Variants in TPO observed in about 807,000 individuals in gnomAD.
TPO encodes thyroid peroxidase.
TPO carries 78 observed loss-of-function variants against 96.9 expected under a neutral mutation model. The observed-to-expected ratio is 0.81, with a 90% CI of 0.67 to 0.97. TPO has a LOEUF of 0.97. Ranked by LOEUF, TPO falls within the 50% of genes least tolerant of loss-of-function variation. The pLI is 0.00. For missense variants in TPO, 1,252 were observed against 1,274.8 expected (o/e 0.98, Z 0.27); for synonymous variants, 547 against 538.0 (o/e 1.02, Z -0.23).
At chr2:1,516,420 G>A (rs1674713391) in intron 14 of TPO, among the ~76,000 whole-genome samples, 1 of 152,264 alleles carries the variant, frequency 6.6e-6, no homozygotes, top group African/African-American at 2.4e-5. Flanking sequence ...GAGGCTTCTG[G>A]GAAAGATAAA....
At chr2:1,444,486 T>C (rs1214854688) in intron 5 of TPO, among the ~76,000 whole-genome samples, 12 of 78,854 alleles carry the variant, frequency 1.5e-4, no homozygotes, top group African/African-American at 4.2e-4. Context: ...CAGGAGGTAC[T>C]GTGTTGGAAG....
intron 13 of TPO, among the ~76,000 whole-genome samples, chr2:1,500,567 A>C (rs1672773128): frequency 6.6e-6 from 1 of 152,214 alleles, no homozygotes; most frequent in Admixed American, 6.5e-5. Flanking sequence ...TACAGAAAGG[A>C]AGGCTACGGG....
chr2:1,526,000 CCCCACTGTGTGCAACCTCCCCAAATCCG>C (rs1676384849), intron 15 of TPO, among the ~76,000 whole-genome samples: 28 of 137,572 alleles, frequency 2.0e-4, no homozygotes, highest in East Asian at 1.2e-3. Context: ...TCCCCAAATC[CCCCACTGTGTGCAACCTCCCCAAATCCG>C]CCCACTGTGT....
intron 5 of TPO, among the ~76,000 whole-genome samples, chr2:1,440,593 ACTT>A (rs1666069582): frequency 2.0e-5 from 3 of 151,856 alleles, no homozygotes; most frequent in African/African-American, 7.3e-5. Flanking sequence ...CCACACCTGT[ACTT>A]CTTGTTTGTA....
At chr2:1,524,429 CCCCCCCAAATCCCCCCACTGTGTGCAA>C (rs1385821680) in intron 15 of TPO, among the ~76,000 whole-genome samples, 1 of 115,862 alleles carries the variant, frequency 8.6e-6, no homozygotes, top group Admixed American at 9.2e-5. Flanking sequence ...TTGTGTGCAA[CCCCCCCAAATCCCCCCACTGTGTGCAA>C]CCCCCCAAAT....
At chr2:1,531,442 C>T (rs1678219844) in intron 15 of TPO, among the ~76,000 whole-genome samples, 2 of 61,960 alleles carry the variant, frequency 3.2e-5, no homozygotes, top group Non-Finnish European at 5.2e-5. Flanking sequence ...TGTGAGCAAC[C>T]TCCCCAAATC....
intron 15 of TPO, among the ~76,000 whole-genome samples, chr2:1,521,024 G>C (rs1675200249): frequency 6.6e-6 from 1 of 152,078 alleles, no homozygotes; most frequent in African/African-American, 2.4e-5. Flanking sequence ...CCATCACTTA[G>C]TTCTGCAATT....
chr2:1,483,049 A>T (rs1276260896), intron 8 of TPO, among the ~76,000 whole-genome samples: 1 of 152,186 alleles, frequency 6.6e-6, no homozygotes, highest in African/African-American at 2.4e-5. Context: ...GACGGCTCCC[A>T]GGGGAGGCTG....
chr2:1,393,535 T>C (rs1662036309), intron 1 of TPO, among the ~76,000 whole-genome samples: 2 of 152,234 alleles, frequency 1.3e-5, no homozygotes, highest in Admixed American at 1.3e-4. Context: ...GGACACCCTG[T>C]GAACCTGCTG....
chr2:1,492,193 C>CA (rs1438165225), intron 10 of TPO, among the ~76,000 whole-genome samples: 1 of 152,106 alleles, frequency 6.6e-6, no homozygotes, highest in Non-Finnish European at 1.5e-5. Flanking sequence ...TCACTCTTGT[C>CA]ACCCAGGCTG....
Position 1,485,150 on chromosome 2 carries a change from C to T in TPO, c.1597+296C>T, listed in dbSNP as rs559422811. Among the ~76,000 whole-genome samples, 20 of 151,292 alleles carry T rather than the reference C, an allele frequency of 1.3e-4. 1 individual carries two copies. The highest frequency in any genetic ancestry group is 4.2e-4 in the South Asian group (2 of 4,782). On this transcript the variant is annotated intron_variant, in intron 9 of 16. Coordinates refer to ENST00000329066, the MANE Select transcript of TPO (RefSeq NM_001206744.2). ...ATTCCCACCTATGAGTGAGAACATG[C>T]GGTGTTTGGTTTTCTGTCCTTGCGA...
chr2:1,448,364 C>T (rs1366225007), intron 5 of TPO, among the ~76,000 whole-genome samples: 1 of 152,218 alleles, frequency 6.6e-6, no homozygotes, highest in Non-Finnish European at 1.5e-5. Context: ...TTCCCTGAGC[C>T]TCTGCCGAGC....
chr2:1,463,914 A>G (rs937317968), intron 7 of TPO, among the ~76,000 whole-genome samples: 2 of 152,228 alleles, frequency 1.3e-5, no homozygotes, highest in Non-Finnish European at 2.9e-5. Flanking sequence ...TTTTATTTCC[A>G]TAAGTTATTG....
chr2:1,405,218 CATCCATCCTTCCATTT>C (rs1662231858), intron 1 of TPO, among the ~76,000 whole-genome samples: 1 of 151,328 alleles, frequency 6.6e-6, no homozygotes, highest in Non-Finnish European at 1.5e-5. Context: ...CTCATTCATT[CATCCATCCTTCCATTT>C]ATCCATCCAT....
At chr2:1,522,782 C>G (rs1246168976) in intron 15 of TPO, among the ~76,000 whole-genome samples, 1 of 142,720 alleles carries the variant, frequency 7.0e-6, no homozygotes, top group East Asian at 2.2e-4. Context: ...GCAACCTCCT[C>G]AAATCCCACC....
chr2:1,414,236 A>G (rs1487983222), intron 1 of TPO, 172 bp from the exon 2 acceptor site: 6 of 665,268 alleles, frequency 9.0e-6, no homozygotes, highest in Non-Finnish European at 1.6e-5. Flanking sequence ...ACCTCCTGAC[A>G]TGGACGGCGA....
At chr2:1,487,204 G>A (rs1001956661) in intron 9 of TPO, among the ~76,000 whole-genome samples, 6 of 111,540 alleles carry the variant, frequency 5.4e-5, no homozygotes, top group Admixed American at 5.3e-4. Flanking sequence ...TTCAGCAAAC[G>A]CTTCTTTTTT....
chr2:1,442,465 A>G (rs892136330), intron 5 of TPO, among the ~76,000 whole-genome samples: 3 of 152,344 alleles, frequency 2.0e-5, no homozygotes, highest in Admixed American at 2.0e-4. Context: ...TCATAAGCAG[A>G]AATACAAATA....
intron 12 of TPO, 115 bp from the exon 13 acceptor site, chr2:1,496,480 C>A: frequency 6.9e-7 from 1 of 1,458,236 alleles, no homozygotes; most frequent in Non-Finnish European, 9.4e-7. Context: ...CAGCAGGGCT[C>A]CCCGGCCCTG....
Sources: gnomAD v4.1 joint callset for allele counts (sites outside exome capture counted in the v4.1 genomes callset) on GRCh38, gnomAD v4.1.1 for gene constraint, MANE v1.5 for transcripts, NCBI Gene and HGNC (gene_info 2026-07-23, HGNC 2026-07-21) for gene names.